MYO1E: variants seen among roughly 807,000 people sequenced by gnomAD.
MYO1E encodes the protein unconventional myosin-Ie.
MYO1E carries 68 observed loss-of-function variants against 151.1 expected under a neutral mutation model. That is an observed-to-expected ratio of 0.45 (90% confidence interval 0.37 to 0.55). The LOEUF is 0.55. MYO1E is among the 20% of genes least tolerant of loss of function. The pLI, the probability that MYO1E is intolerant of heterozygous loss-of-function variation, is 0.00. For synonymous variants in MYO1E, 601 were observed against 501.7 expected (o/e 1.20, Z -2.64); for missense variants, 1,363 against 1,389.3 (o/e 0.98, Z 0.30).
intron 1 of MYO1E, among the ~76,000 whole-genome samples, chr15:59,338,131 G>A (rs1253705065): frequency 6.6e-6 from 1 of 150,648 alleles, no homozygotes; most frequent in African/African-American, 2.5e-5. Context: ...ACTGCATTGT[G>A]AGGCAAGGCA....
At chr15:59,251,606 C>G (rs1458938256) in intron 4 of MYO1E, among the ~76,000 whole-genome samples, 1 of 152,104 alleles carries the variant, frequency 6.6e-6, no homozygotes, top group Non-Finnish European at 1.5e-5. Flanking sequence ...TTCAATTTCT[C>G]AGAGATGCAT....
At chr15:59,138,132 G>C (rs1189363805) in intron 27 of MYO1E, 66 bp downstream of exon 27, 2 of 1,572,396 alleles carry the variant, frequency 1.3e-6, no homozygotes, top group Non-Finnish European at 1.7e-6. Flanking sequence ...TTTCACACTA[G>C]ATCTTACAGC....
At chr15:59,268,189 CTT>C (rs1232595369) in intron 2 of MYO1E, among the ~76,000 whole-genome samples, 4 of 152,308 alleles carry the variant, frequency 2.6e-5, no homozygotes, top group Non-Finnish European at 5.9e-5. Flanking sequence ...TTAAAGGATG[CTT>C]TTACCACTTA....
chr15:59,305,615 G>C (rs1189072455), intron 1 of MYO1E, among the ~76,000 whole-genome samples: 1 of 152,148 alleles, frequency 6.6e-6, no homozygotes, highest in African/African-American at 2.4e-5. Flanking sequence ...TTTCTTGCCT[G>C]ACTTGTCTCT....
At chr15:59,171,565 C>G (rs903633649) in intron 22 of MYO1E, among the ~76,000 whole-genome samples, 1 of 152,156 alleles carries the variant, frequency 6.6e-6, no homozygotes, top group African/African-American at 2.4e-5. Context: ...GGCTCTGAAT[C>G]CTTGGCTCTA....
At chr15:59,264,978 T>G (rs1218197470) in intron 2 of MYO1E, 2 of 152,244 alleles carry the variant, frequency 1.3e-5, no homozygotes, top group Non-Finnish European at 2.9e-5. Context: ...ATCATGCCAC[T>G]GCACTCCAGC....
In MYO1E at chr15:59,133,608, G is replaced by GA. The variant is rs1396493182; in HGVS notation, c.*3771dup. ...GCAATCAATCAGCTAGGCCTTGGGA[G>GA]AAAAGCAAAACAGGGAAAGAGGGCA... On this transcript the variant is annotated 3_prime_UTR_variant, in exon 28 of 28. Transcript: ENST00000288235. 6.6e-6 allele frequency: 1 copy of GA among 152,200 alleles called. No individual in the cohort carries two copies. The highest frequency in any genetic ancestry group is 1.5e-5 in the Non-Finnish European group (1 of 68,044). 9.4% of individuals were successfully genotyped at this position (152,200 alleles called of 1,614,324 possible). A position where few individuals can be genotyped will look rare whatever the true frequency, so the allele number is the denominator to read the frequency against.
chr15:59,258,572 G>A (rs1301812061), intron 3 of MYO1E, among the ~76,000 whole-genome samples: 2 of 152,146 alleles, frequency 1.3e-5, no homozygotes, highest in African/African-American at 2.4e-5. Flanking sequence ...AACATTTAGC[G>A]CTGGGTGTGA....
At chr15:59,337,186 T>C (rs1244356997) in intron 1 of MYO1E, among the ~76,000 whole-genome samples, 3 of 152,196 alleles carry the variant, frequency 2.0e-5, no homozygotes, top group African/African-American at 7.2e-5. Flanking sequence ...GATGTAAAAA[T>C]GGAGGGAACT....
At chr15:59,179,592 C>A (rs2079646310) in intron 18 of MYO1E, among the ~76,000 whole-genome samples, 1 of 152,182 alleles carries the variant, frequency 6.6e-6, no homozygotes. Context: ...GTTGGTTTTC[C>A]ATTTTGCAGA....
intron 1 of MYO1E, among the ~76,000 whole-genome samples, chr15:59,311,975 C>A (rs1596411982): frequency 6.6e-6 from 1 of 152,288 alleles, no homozygotes; most frequent in East Asian, 1.9e-4. Context: ...ATGAACTTCC[C>A]AGCCTCCAGG....
intron 1 of MYO1E, among the ~76,000 whole-genome samples, chr15:59,324,617 A>G (rs2080650838): frequency 6.6e-6 from 1 of 151,054 alleles, no homozygotes; most frequent in Admixed American, 6.6e-5. Flanking sequence ...CCTGAAACCC[A>G]GGTGGGAGAA....
At position 59,372,855 on chromosome 15, in the gene MYO1E, T is replaced by A; in HGVS notation, c.-355A>T. 2.7e-6 allele frequency: 1 copy of A among 373,004 alleles called. No homozygotes were observed. The allele number at this position is 373,004 out of a possible 1,614,324, so 23.1% of individuals were successfully genotyped here. ...CTTTCTTCGGCCACTTAATCCGTAC[T>A]CCTCTGGCTGAGTCTCGGCTCGGGC... On this transcript the variant is annotated 5_prime_UTR_variant, in exon 1 of 28. Coordinates refer to ENST00000288235, the MANE Select transcript of MYO1E (RefSeq NM_004998.4).
At chr15:59,313,490 C>G (rs1268841567) in intron 1 of MYO1E, among the ~76,000 whole-genome samples, 2 of 151,478 alleles carry the variant, frequency 1.3e-5, no homozygotes, top group African/African-American at 4.9e-5. Flanking sequence ...ACAGATGCAA[C>G]TACCCCACCC....
intron 14 of MYO1E, chr15:59,207,840 C>G (rs2079849533): frequency 6.2e-7 from 1 of 1,614,160 alleles, no homozygotes; most frequent in African/African-American, 1.3e-5. Context: ...CTTCTTGGGC[C>G]ATTGGCCTAT....
At chr15:59,292,478 C>T (rs1314434748) in intron 1 of MYO1E, among the ~76,000 whole-genome samples, 2 of 152,158 alleles carry the variant, frequency 1.3e-5, no homozygotes, top group African/African-American at 4.8e-5. Context: ...ATGTTGGCCG[C>T]AAGGATGGAC....
At chr15:59,270,997 T>C (rs1344296646) in intron 2 of MYO1E, 2 of 152,206 alleles carry the variant, frequency 1.3e-5, no homozygotes, top group African/African-American at 4.8e-5. Flanking sequence ...CTGTTAATCC[T>C]TGAAAACAGA....
chr15:59,279,260 T>C (rs1410175542), intron 1 of MYO1E, among the ~76,000 whole-genome samples: 4 of 152,164 alleles, frequency 2.6e-5, no homozygotes. Flanking sequence ...AGTGATCTCT[T>C]AGTCAGTGGT....
At chr15:59,346,324 C>A (rs2080793934) in intron 1 of MYO1E, among the ~76,000 whole-genome samples, 1 of 152,122 alleles carries the variant, frequency 6.6e-6, no homozygotes, top group Admixed American at 6.5e-5. Context: ...TGCCAAAGAG[C>A]CTACGAATGA....
Sources: allele counts gnomAD v4.1 joint callset (sites outside exome capture counted in the v4.1 genomes callset), GRCh38; gene constraint gnomAD v4.1.1; transcripts MANE v1.5; gene names NCBI Gene and HGNC (gene_info 2026-07-23, HGNC 2026-07-21).